Variants in LUZP1 observed in about 807,000 individuals in gnomAD.
The protein encoded by LUZP1 is filamin mechanobinding actin cross-linking protein.
LUZP1 carries 25 observed loss-of-function variants against 71.3 expected under a neutral mutation model. The ratio of observed to expected loss-of-function variants is 0.35; its 90% CI spans 0.26 to 0.49. The LOEUF is 0.49. Among genes scored for constraint, LUZP1 ranks in the 20% least tolerant of loss-of-function variants. The probability of loss-of-function intolerance (pLI) is 0.99; values close to 1 mark genes in which losing one functional copy is unlikely to be tolerated. For missense variants in LUZP1, 1,142 were observed against 1,300.8 expected (o/e 0.88, Z 1.88); for synonymous variants, 481 against 506.4 (o/e 0.95, Z 0.67).
chr1:23,100,927 C>G (rs1262460146), intron 3 of LUZP1, among the ~76,000 whole-genome samples: 1 of 152,142 alleles, frequency 6.6e-6, no homozygotes, highest in Admixed American at 6.5e-5. Flanking sequence ...CTTTTTCCAG[C>G]AGTTTAGCAA....
chr1:23,134,440 C>T (rs1334893275), intron 2 of LUZP1, among the ~76,000 whole-genome samples: 1 of 152,146 alleles, frequency 6.6e-6, no homozygotes, highest in African/African-American at 2.4e-5. Flanking sequence ...TATGAACACA[C>T]CACTGCACTC....
chr1:23,126,121 C>T (rs1038324416), intron 2 of LUZP1, among the ~76,000 whole-genome samples: 1 of 152,106 alleles, frequency 6.6e-6, no homozygotes, highest in Non-Finnish European at 1.5e-5. Flanking sequence ...CATAAATATA[C>T]GTCTTCTGGA....
intron 2 of LUZP1, among the ~76,000 whole-genome samples, chr1:23,139,470 C>G (rs1447627756): frequency 6.6e-6 from 1 of 152,120 alleles, no homozygotes; most frequent in African/African-American, 2.4e-5. Flanking sequence ...TACCCCAAGA[C>G]AGCAAGACCA....
intron 1 of LUZP1, among the ~76,000 whole-genome samples, chr1:23,172,217 T>A (rs181649585): frequency 6.6e-6 from 1 of 152,302 alleles, no homozygotes; most frequent in East Asian, 1.9e-4. Context: ...AGGAATAGAT[T>A]TGTATGATTG....
chr1:23,174,187 G>C (rs1644569974), intron 1 of LUZP1, among the ~76,000 whole-genome samples: 1 of 152,174 alleles, frequency 6.6e-6, no homozygotes, highest in African/African-American at 2.4e-5. Context: ...GGGCAGGGAA[G>C]TGCTGGTATA....
chr1:23,110,161 G>A (rs1244959097), intron 2 of LUZP1, among the ~76,000 whole-genome samples: 1 of 151,982 alleles, frequency 6.6e-6, no homozygotes, highest in Non-Finnish European at 1.5e-5. Flanking sequence ...CACCATGCTG[G>A]CTCTCATTTT....
chr1:23,092,453 C>A (rs191293035), exon 4 of LUZP1: 1 of 1,614,162 alleles, frequency 6.2e-7, no homozygotes, highest in East Asian at 2.2e-5. Flanking sequence ...AAGGATACTT[C>A]GATAGAACAG....
At chr1:23,135,648 T>A (rs2124695494) in intron 2 of LUZP1, among the ~76,000 whole-genome samples, 1 of 152,156 alleles carries the variant, frequency 6.6e-6, no homozygotes, top group Admixed American at 6.5e-5. Context: ...TGGACCGGAG[T>A]TGCTGTACAT....
intron 2 of LUZP1, among the ~76,000 whole-genome samples, chr1:23,160,226 GAAGAGT>G (rs1287438332): frequency 5.3e-5 from 8 of 152,102 alleles, no homozygotes; most frequent in Non-Finnish European, 1.2e-4. Flanking sequence ...AACACAAGAG[GAAGAGT>G]AACTACTGAG....
At chr1:23,123,711 A>C (rs937425000) in intron 2 of LUZP1, among the ~76,000 whole-genome samples, 32 of 152,170 alleles carry the variant, frequency 2.1e-4, no homozygotes, top group Admixed American at 1.7e-3. Context: ...CCCTGCTCTC[A>C]GGCCCTGAGG....
rs939527505 is a variant in LUZP1 at position 23,143,005 on chromosome 1, T to C, written c.-226+25761A>G. ...GCTACATGGTAAGACTTCGTCTCTATTTTTTTTTTCTTTTTTGTTTTTTGA... is the reference window on the plus strand; with the variant it reads ...GCTACATGGTAAGACTTCGTCTCTACTTTTTTTTTCTTTTTTGTTTTTTGA... On this transcript the variant is annotated intron_variant, in intron 2 of 4. Transcript: ENST00000302291. Among the ~76,000 whole-genome samples the C allele has an allele frequency of 6.7e-5, 10 of 149,412 alleles. No homozygotes were observed. The East Asian group carries it at 2.0e-3, about 29-fold the overall frequency.
At position 23,097,192 on chromosome 1, in the gene LUZP1, A is replaced by G. The variant is rs574658599; in HGVS notation, c.-119-2812T>C. ...CTGATCCCTAATACTATCTCCTTAA[A>G]GGTCCTACCTCTTAATGCTGTTGCA... On this transcript the variant is annotated intron_variant, in intron 3 of 4. Coordinates refer to ENST00000302291, the Ensembl canonical transcript of LUZP1. Among the ~76,000 whole-genome samples, 9 of 152,292 alleles carry G rather than the reference A, an allele frequency of 5.9e-5. No homozygotes were observed. In the South Asian group the frequency reaches 1.9e-3, roughly 32 times the overall value.
chr1:23,166,563 GAGAATAGCTT>G (rs1002360086), intron 2 of LUZP1, among the ~76,000 whole-genome samples: 1 of 147,536 alleles, frequency 6.8e-6, no homozygotes, highest in Admixed American at 7.1e-5. Context: ...GCTGAGGCAG[GAGAATAGCTT>G]AAACATGAGA....
At chr1:23,088,684 A>C (rs984225171) in exon 5 of LUZP1, 2 of 534,646 alleles carry the variant, frequency 3.7e-6, no homozygotes, top group East Asian at 3.2e-5. Context: ...GCATTGGGGA[A>C]GGTTGGGCCT....
At chr1:23,155,275 A>T (rs1290939473) in intron 2 of LUZP1, among the ~76,000 whole-genome samples, 1 of 152,212 alleles carries the variant, frequency 6.6e-6, no homozygotes, top group East Asian at 1.9e-4. Flanking sequence ...CTTTAAGTCC[A>T]TCAAGATCTA....
At chr1:23,142,815 A>G (rs1005277177) in intron 2 of LUZP1, among the ~76,000 whole-genome samples, 2 of 151,766 alleles carry the variant, frequency 1.3e-5, no homozygotes, top group Non-Finnish European at 1.5e-5. Flanking sequence ...GTCAACTGCA[A>G]CTTACTATGG....
intron 2 of LUZP1, among the ~76,000 whole-genome samples, chr1:23,125,403 G>C (rs1644164469): frequency 6.6e-6 from 1 of 152,058 alleles, no homozygotes; most frequent in Admixed American, 6.6e-5. Context: ...TTACTATGAA[G>C]TAAATCATAT....
chr1:23,151,475 C>T (rs1460004166), intron 2 of LUZP1, among the ~76,000 whole-genome samples: 1 of 152,186 alleles, frequency 6.6e-6, no homozygotes, highest in Non-Finnish European at 1.5e-5. Context: ...CTGACCCACT[C>T]TTTATTCCTG....
intron 3 of LUZP1, among the ~76,000 whole-genome samples, chr1:23,097,886 T>TA (rs1643901410): frequency 6.6e-6 from 1 of 152,070 alleles, no homozygotes; most frequent in South Asian, 2.1e-4. Flanking sequence ...GGAATTAAGG[T>TA]AGACTCTAAG....
Sources: allele counts gnomAD v4.1 joint callset (sites outside exome capture counted in the v4.1 genomes callset), GRCh38; gene constraint gnomAD v4.1.1; transcripts MANE v1.5; gene names NCBI Gene and HGNC (gene_info 2026-07-23, HGNC 2026-07-21).